DHX29: variants seen among roughly 807,000 people sequenced by gnomAD.
The protein encoded by DHX29 is ATP-dependent RNA helicase DHX29.
In DHX29, 79 loss-of-function variants were observed where a neutral mutation model predicts 167.9. That is an observed-to-expected ratio of 0.47 (90% confidence interval 0.39 to 0.57). The LOEUF is 0.57. Ranked by LOEUF, DHX29 falls within the 20% of genes least tolerant of loss-of-function variation. The pLI is 0.00. For missense variants in DHX29, 1,347 were observed against 1,593.4 expected, an observed-to-expected ratio of 0.85 and a Z score of 2.63; for synonymous variants, 530 against 546.0, an observed-to-expected ratio of 0.97 and a Z score of 0.41.
In DHX29 at chr5:55,278,761, C is replaced by T. The variant is rs186661633; in HGVS notation, c.2110-1479G>A. Among the ~76,000 whole-genome samples, 8 of 152,156 alleles carry T rather than the reference C, an allele frequency of 5.3e-5. No individual in the cohort carries two copies. The East Asian group carries it at 1.2e-3, about 22-fold the overall frequency. On this transcript the variant is annotated intron_variant, in intron 12 of 26. Transcript: ENST00000251636. The stretch of plus-strand genomic sequence containing the variant: ...CGGGATGAAAAAAGGAGAAAAAAGC[C>T]GTCATGTCAAGGTACACAGTGTGTA...
At position 55,256,236 on chromosome 5, in the gene DHX29, A is replaced by G. The variant is rs754940545; in HGVS notation, c.*252T>C. On this transcript the variant is annotated 3_prime_UTR_variant, in exon 27 of 27. Transcript: ENST00000251636. ...CCTTGCCCTTATTAACACAACGATG[A>G]GCAAAACATGCATAATACCAAAGAA... 1 of 296,902 alleles carries G rather than the reference A, an allele frequency of 3.4e-6. No homozygotes were observed. The highest frequency in any genetic ancestry group is 5.1e-5 in the Admixed American group (1 of 19,632). The allele number at this position is 296,902 out of a possible 1,614,324, so 18.4% of individuals were successfully genotyped here.
chr5:55,283,650 T>TTGC lies in DHX29; in HGVS notation c.1515_1517dup (p.Gln508dup), dbSNP rs1488733474. The stretch of plus-strand genomic sequence containing the variant: ...CTCTCTTATTTTCAGAATGCTGTTG[T>TTGC]TGCTGCTGTTGCTGCTGTTTCAGTT... On this transcript the variant is annotated inframe_insertion, in exon 11 of 27. Coordinates refer to ENST00000251636, the MANE Select transcript of DHX29 (RefSeq NM_019030.4). 1 of 1,614,120 alleles carries TTGC rather than the reference T, an allele frequency of 6.2e-7. No homozygotes were observed. The highest frequency in any genetic ancestry group is 1.7e-5 in the Admixed American group (1 of 60,014).
chr5:55,265,221 G>C (rs1326873156), intron 23 of DHX29, among the ~76,000 whole-genome samples: 2 of 147,024 alleles, frequency 1.4e-5, no homozygotes, highest in South Asian at 2.1e-4. Context: ...ACCATATCCA[G>C]ACTCTAATGA....
rs1746948495 is a variant in DHX29, at chr5:55,273,430, C to A, written c.2691-53G>T. 6 of 1,423,946 alleles carry A rather than the reference C, an allele frequency of 4.2e-6. No homozygotes were observed. In the South Asian group the frequency reaches 9.0e-5, roughly 21 times the overall value. 88.2% of individuals were successfully genotyped at this position (1,423,946 alleles called of 1,614,324 possible). ...AAGAGTTTCTCTTTAGAAGACACTG[C>A]AAAGAATAACAAAATTTATTTGCAT... On this transcript the variant is annotated intron_variant, in intron 16 of 26. Coordinates refer to ENST00000251636, the MANE Select transcript of DHX29 (RefSeq NM_019030.4).
Position 55,269,643 on chromosome 5 carries a change from G to A in DHX29, c.3070-6C>T. 6.2e-7 allele frequency: 1 copy of A among 1,605,276 alleles called. No homozygotes were observed. The highest frequency in any genetic ancestry group is 8.5e-7 in the Non-Finnish European group (1 of 1,172,698). On this transcript the variant is annotated splice_region_variant and splice_polypyrimidine_tract_variant and intron_variant, in intron 20 of 26. Coordinates refer to ENST00000251636, the MANE Select transcript of DHX29 (RefSeq NM_019030.4). Reference sequence around the variant, plus strand: ...GGAGAACCAAGATTACATTTCTGCAGATTAAAAAAGCAATAAAATTGGTAT... The same window carrying A: ...GGAGAACCAAGATTACATTTCTGCAAATTAAAAAAGCAATAAAATTGGTAT...
intron 1 of DHX29, 83 bp downstream of exon 1, chr5:55,307,304 C>T (rs1209596026): frequency 2.5e-6 from 3 of 1,204,148 alleles, no homozygotes; most frequent in Non-Finnish European, 3.5e-6. Context: ...GCCCGAAGCT[C>T]CTCCCGGGTT....
chr5:55,287,765 A>G (rs995579874), intron 8 of DHX29, among the ~76,000 whole-genome samples: 2 of 151,822 alleles, frequency 1.3e-5, no homozygotes, highest in Admixed American at 6.6e-5. Flanking sequence ...CATGGCCAAC[A>G]TGGCAAAACC....
intron 23 of DHX29, among the ~76,000 whole-genome samples, chr5:55,266,311 T>G (rs1174531676): frequency 4.9e-5 from 6 of 121,516 alleles, no homozygotes; most frequent in Admixed American, 1.9e-4. Flanking sequence ...GTTGTTTTTG[T>G]TTTTTTTTTT....
At chr5:55,270,355 T>A (rs761784797) in intron 20 of DHX29, 57 bp downstream of exon 20, 74 of 1,510,798 alleles carry the variant, frequency 4.9e-5, no homozygotes, top group Non-Finnish European at 6.3e-5. Context: ...TGTTCATTTT[T>A]TTTCTTTTCT....
At chr5:55,301,366 A>C (rs1196887723) in intron 1 of DHX29, among the ~76,000 whole-genome samples, 4 of 152,202 alleles carry the variant, frequency 2.6e-5, no homozygotes, top group Non-Finnish European at 5.9e-5. Flanking sequence ...TTGGCAAACA[A>C]GTCTCAGGTT....
intron 1 of DHX29, among the ~76,000 whole-genome samples, chr5:55,306,404 C>T (rs1215776387): frequency 6.6e-6 from 1 of 152,126 alleles, no homozygotes; most frequent in Non-Finnish European, 1.5e-5. Flanking sequence ...CTCAGCTTAA[C>T]TGTTACATTT....
At chr5:55,289,603 T>C (rs527691606) in intron 7 of DHX29, among the ~76,000 whole-genome samples, 175 bp from the exon 8 acceptor site, 3 of 152,288 alleles carry the variant, frequency 2.0e-5, no homozygotes, top group African/African-American at 7.2e-5. Context: ...AATTATTTAA[T>C]AATTCCTGTT....
In DHX29 at chr5:55,274,620, G is replaced by C. The variant is rs777083446; in HGVS notation, c.2684C>G (p.Ser895Cys). The stretch of plus-strand genomic sequence containing the variant: ...AATGAAGATGAGTAGTTACCGTTCA[G>C]AATAAAATCTTCTATCATTTGATAG... ...DLLSNDRRFY[S>C]ERYKVIALHS... The change falls in exon 16 of 27, where the codon TCT becomes TGT. Residue 895 changes from serine to cysteine, a missense_variant. Physicochemically the swap from Ser to Cys is moderately radical, Grantham distance 112. This residue lies in a region of DHX29 where 882 missense variants were observed against 1,082.4 expected (regional missense o/e 0.81). Coordinates refer to ENST00000251636, the MANE Select transcript of DHX29 (RefSeq NM_019030.4). 8.8e-6 allele frequency: 14 copies of C among 1,582,890 alleles called. No homozygotes were observed. Among genetic ancestry groups the C allele is most frequent in the Non-Finnish European group, 5.1e-6 (6 of 1,167,276 alleles).
intron 12 of DHX29, among the ~76,000 whole-genome samples, chr5:55,279,270 T>C (rs981319105): frequency 2.0e-5 from 3 of 152,022 alleles, no homozygotes; most frequent in African/African-American, 7.2e-5. Flanking sequence ...TTTACTTTGG[T>C]GGTTTGACCA....
chr5:55,270,093 C>T (rs1214161001), intron 20 of DHX29, among the ~76,000 whole-genome samples: 1 of 151,968 alleles, frequency 6.6e-6, no homozygotes, highest in Non-Finnish European at 1.5e-5. Context: ...CTACTAGATA[C>T]CATTTACCCT....
intron 1 of DHX29, among the ~76,000 whole-genome samples, chr5:55,300,997 T>C (rs1046258258): frequency 1.3e-5 from 2 of 152,180 alleles, no homozygotes; most frequent in Middle Eastern, 3.2e-3. Flanking sequence ...TATGTTCACA[T>C]GGCTTTTTTC....
At chr5:55,299,677 T>C (rs1043917835) in intron 1 of DHX29, among the ~76,000 whole-genome samples, 1 of 152,176 alleles carries the variant, frequency 6.6e-6, no homozygotes, top group Non-Finnish European at 1.5e-5. Flanking sequence ...TGTGTCCAAA[T>C]GTCCCTCTCC....
intron 5 of DHX29, chr5:55,295,140 C>G (rs1023238565): frequency 1.4e-5 from 5 of 365,812 alleles, no homozygotes; most frequent in Non-Finnish European, 2.5e-5. Context: ...CGAAGAAACA[C>G]CTTGCTGAGC....
At position 55,285,879 on chromosome 5, in the gene DHX29, G is replaced by C; in HGVS notation, c.1067-18C>G. 1 of 1,528,908 alleles carries C rather than the reference G, an allele frequency of 6.5e-7. No individual in the cohort carries two copies. Among genetic ancestry groups the C allele is most frequent in the Non-Finnish European group, 8.9e-7 (1 of 1,128,978 alleles). 94.7% of individuals were successfully genotyped at this position (1,528,908 alleles called of 1,614,324 possible). On this transcript the variant is annotated intron_variant, in intron 8 of 26. Transcript: ENST00000251636. ...CTTTTTATCTAAAATGGTAAACAAA[G>C]ATTGGTTCTTTAAAAATGGTCAAGC...
Sources: allele counts gnomAD v4.1 joint callset (sites outside exome capture counted in the v4.1 genomes callset), GRCh38; gene constraint gnomAD v4.1.1; regional missense constraint gnomAD v4.1.1; transcripts MANE v1.5; gene names NCBI Gene and HGNC (gene_info 2026-07-23, HGNC 2026-07-21).